The following MRTFA variants were observed in gnomAD, a reference collection of about 807,000 sequenced individuals.
The protein encoded by MRTFA is myocardin-related transcription factor A.
A neutral mutation model predicts 83.5 loss-of-function variants in MRTFA; 20 were observed. The ratio of observed to expected loss-of-function variants is 0.24; its 90% CI spans 0.17 to 0.35. The LOEUF (loss-of-function observed/expected upper bound fraction) is 0.35. MRTFA is among the 10% of genes least tolerant of loss of function. The pLI is 1.00. For missense variants in MRTFA, 1,200 were observed against 1,224.7 expected (o/e 0.98, Z 0.30); for synonymous variants, 659 against 541.2 (o/e 1.22, Z -3.02).
At chr22:40,522,708 C>T (rs112034576) in intron 3 of MRTFA, 13,502 of 152,060 alleles carry the variant, frequency 0.089, 771 homozygotes, top group East Asian at 0.25. Context: ...GTATTTTTAG[C>T]AGAGATGGGG....
chr22:40,538,782 A>G (rs567012545), intron 3 of MRTFA, among the ~76,000 whole-genome samples: 3 of 152,236 alleles, frequency 2.0e-5, no homozygotes, highest in African/African-American at 7.2e-5. Context: ...AAAAAGAACT[A>G]AAGTAAACTT....
chr22:40,445,634 C>T (rs1259712365), intron 4 of MRTFA, among the ~76,000 whole-genome samples: 1 of 152,134 alleles, frequency 6.6e-6, no homozygotes, highest in Admixed American at 6.5e-5. Context: ...CTGCAACCTC[C>T]ACCTCCTGGG....
chr22:40,449,274 GAAA>G (rs35140973), intron 4 of MRTFA, among the ~76,000 whole-genome samples: 2 of 88,004 alleles, frequency 2.3e-5, no homozygotes, highest in Non-Finnish European at 2.2e-5. Context: ...CTCCAAACGA[GAAA>G]AAAAAAAAAA....
intron 7 of MRTFA, among the ~76,000 whole-genome samples, chr22:40,427,815 G>A (rs913464725): frequency 2.6e-5 from 4 of 152,140 alleles, no homozygotes; most frequent in African/African-American, 9.7e-5. Flanking sequence ...AGTGATTAGA[G>A]GATTAGAGGA....
chr22:40,443,569 G>A (rs1391197362), intron 4 of MRTFA, among the ~76,000 whole-genome samples: 1 of 151,000 alleles, frequency 6.6e-6, no homozygotes, highest in Non-Finnish European at 1.5e-5. Flanking sequence ...AAAAGCCCTA[G>A]CAAAATATGT....
intron 2 of MRTFA, among the ~76,000 whole-genome samples, chr22:40,570,406 T>C (rs770080826): frequency 4.6e-5 from 7 of 151,120 alleles, no homozygotes; most frequent in Non-Finnish European, 8.9e-5. Flanking sequence ...AAACCCTGTC[T>C]CTACTTAAAA....
At chr22:40,435,205 C>CA (rs1256811639) in intron 5 of MRTFA, among the ~76,000 whole-genome samples, 1 of 152,182 alleles carries the variant, frequency 6.6e-6, no homozygotes, top group East Asian at 1.9e-4. Flanking sequence ...CAAAGCACTC[C>CA]AAAATTCAGG....
In MRTFA at chr22:40,482,009, G is replaced by A. The variant is rs138708856; in HGVS notation, c.242-18723C>T. On this transcript the variant is annotated intron_variant, in intron 3 of 14. Transcript: ENST00000355630. ...CGGGAGGCAGAGCGTGCAGTGAGCC[G>A]AGATCGCACCACTGCACTCCAGCCT... is the stretch of plus-strand genomic sequence containing the variant. Among the ~76,000 whole-genome samples, 670 of 150,196 alleles carry A rather than the reference G, an allele frequency of 4.5e-3. 12 individuals carry two copies. The highest frequency in any genetic ancestry group is 0.016 in the African/African-American group (642 of 40,638).
chr22:40,455,481 C>A (rs1476551651), intron 4 of MRTFA, among the ~76,000 whole-genome samples: 1 of 151,862 alleles, frequency 6.6e-6, no homozygotes, highest in African/African-American at 2.4e-5. Flanking sequence ...CCCGTCTCTA[C>A]TAAAAATACA....
At chr22:40,604,099 T>A (rs1036136088) in intron 1 of MRTFA, among the ~76,000 whole-genome samples, 1 of 151,630 alleles carries the variant, frequency 6.6e-6, no homozygotes, top group Middle Eastern at 3.2e-3. Context: ...GTGATCTCCA[T>A]AATCTACCTG....
intron 1 of MRTFA, among the ~76,000 whole-genome samples, chr22:40,605,355 G>A (rs2147402510): frequency 6.6e-6 from 1 of 152,310 alleles, no homozygotes; most frequent in South Asian, 2.1e-4. Flanking sequence ...TGGGCAGAAA[G>A]TGCCAACTTT....
At chr22:40,609,684 T>C (rs1043726337) in intron 1 of MRTFA, among the ~76,000 whole-genome samples, 6 of 151,214 alleles carry the variant, frequency 4.0e-5, no homozygotes, top group Non-Finnish European at 8.8e-5. Context: ...TACAAACAAT[T>C]AGCCAGGCAT....
chr22:40,600,911 G>A (rs141685904), intron 1 of MRTFA, among the ~76,000 whole-genome samples: 4 of 152,174 alleles, frequency 2.6e-5, no homozygotes, highest in Non-Finnish European at 5.9e-5. Flanking sequence ...GAAGGTGGAG[G>A]TTGCAGTGAG....
intron 3 of MRTFA, among the ~76,000 whole-genome samples, chr22:40,528,493 T>C (rs934262178): frequency 6.6e-6 from 1 of 152,080 alleles, no homozygotes; most frequent in African/African-American, 2.4e-5. Context: ...ATCCCAGCAC[T>C]TTTGGAGGCA....
intron 12 of MRTFA, 189 bp from the exon 13 acceptor site, chr22:40,417,682 C>T (rs911059973): frequency 1.5e-5 from 9 of 582,294 alleles, no homozygotes; most frequent in Non-Finnish European, 2.1e-5. Flanking sequence ...GGGGGGCCCT[C>T]AACCCTGCAG....
At chr22:40,571,968 CA>C (rs2055802140) in intron 2 of MRTFA, among the ~76,000 whole-genome samples, 1 of 135,046 alleles carries the variant, frequency 7.4e-6, no homozygotes, top group Non-Finnish European at 1.6e-5. Context: ...ATAAGCACTT[CA>C]AAAAATGCTC....
chr22:40,554,229 T>C (rs2055486015), intron 2 of MRTFA, among the ~76,000 whole-genome samples: 1 of 152,182 alleles, frequency 6.6e-6, no homozygotes. Context: ...ATCTAAGACT[T>C]TGGGGGACTA....
intron 3 of MRTFA, among the ~76,000 whole-genome samples, chr22:40,537,012 T>TG (rs1198766025): frequency 0.14 from 5,027 of 35,064 alleles, 161 homozygotes; most frequent in Admixed American, 0.21. Context: ...GGGAGGGAGG[T>TG]GGGGGGGGGT....
chr22:40,476,385 C>G (rs751941049), intron 3 of MRTFA, among the ~76,000 whole-genome samples: 14 of 152,142 alleles, frequency 9.2e-5, no homozygotes, highest in Non-Finnish European at 1.3e-4. Flanking sequence ...GAGCCCTACC[C>G]TGTCCTACAG....
Sources: gnomAD v4.1 joint callset for allele counts (sites outside exome capture counted in the v4.1 genomes callset) on GRCh38, gnomAD v4.1.1 for gene constraint, MANE v1.5 for transcripts, NCBI Gene and HGNC (gene_info 2026-07-23, HGNC 2026-07-21) for gene names.